Variants in YWHAQ observed in about 807,000 individuals in gnomAD.
YWHAQ encodes 14-3-3 protein theta.
A neutral mutation model predicts 28.3 loss-of-function variants in YWHAQ; 6 were observed. That is an observed-to-expected ratio of 0.21 (90% CI 0.12 to 0.42). YWHAQ has a LOEUF of 0.42. Ranked by LOEUF, YWHAQ falls within the 10% of genes least tolerant of loss-of-function variation. The probability of loss-of-function intolerance (pLI) is 1.00; values close to 1 mark genes in which losing one functional copy is unlikely to be tolerated. For missense variants in YWHAQ, 201 were observed against 305.6 expected (o/e 0.66, Z 2.55); for synonymous variants, 143 against 119.1 (o/e 1.20, Z -1.31).
At chr2:9,607,529 A>G (rs1236316699) in intron 2 of YWHAQ, among the ~76,000 whole-genome samples, 1 of 151,990 alleles carries the variant, frequency 6.6e-6, no homozygotes, top group Non-Finnish European at 1.5e-5. Context: ...ATTAAATCAG[A>G]TAAAACAGTA....
At chr2:9,587,391 A>G (rs1339407261) in intron 5 of YWHAQ, 23 bp downstream of exon 5, 2 of 1,579,026 alleles carry the variant, frequency 1.3e-6, no homozygotes, top group Non-Finnish European at 1.7e-6. Flanking sequence ...AAGAAAATAA[A>G]ATTAAAAGAG....
chr2:9,627,548 A>C (rs1667271410), intron 2 of YWHAQ, among the ~76,000 whole-genome samples: 1 of 152,184 alleles, frequency 6.6e-6, no homozygotes, highest in Admixed American at 6.5e-5. Flanking sequence ...AGATGCTGCT[A>C]CATGTACAGT....
chr2:9,607,604 T>TA (rs1180470993), intron 2 of YWHAQ, among the ~76,000 whole-genome samples: 2 of 152,038 alleles, frequency 1.3e-5, no homozygotes, highest in Admixed American at 1.3e-4. Context: ...ACAAATAAAA[T>TA]AGACAAAGAG....
chr2:9,609,237 T>A (rs1666896666), intron 2 of YWHAQ, among the ~76,000 whole-genome samples: 1 of 151,954 alleles, frequency 6.6e-6, no homozygotes, highest in Admixed American at 6.6e-5. Flanking sequence ...ATGAACCATA[T>A]ATACAGTGAA....
intron 2 of YWHAQ, among the ~76,000 whole-genome samples, chr2:9,616,745 ACT>A (rs1160599338): frequency 6.6e-6 from 1 of 152,160 alleles, no homozygotes; most frequent in Non-Finnish European, 1.5e-5. Context: ...AGAAACTGGA[ACT>A]CTCTTACACT....
intron 2 of YWHAQ, among the ~76,000 whole-genome samples, chr2:9,621,688 A>G (rs1197756055): frequency 6.6e-6 from 1 of 152,168 alleles, no homozygotes; most frequent in Non-Finnish European, 1.5e-5. Flanking sequence ...CCAAACCCAT[A>G]TCAACTAAAG....
Position 9,591,488 on chromosome 2 carries a change from T to C in YWHAQ, c.322A>G (p.Asn108Asp), listed in dbSNP as rs1304828875. The C allele has an allele frequency of 1.2e-6, 2 of 1,611,314 alleles. No individual in the cohort carries two copies. The highest frequency in any genetic ancestry group is 1.7e-6 in the Non-Finnish European group (2 of 1,177,942). Residue 108 changes from asparagine to aspartate, a missense_variant, in exon 3 of 6, where the codon AAT (asparagine) becomes GAT (aspartate). By Grantham distance (23) the Asn-to-Asp change is conservative. Transcript: ENST00000238081. ...LELLDKYLIANATNPESKVFY... is the reference protein window; with the variant it reads ...LELLDKYLIADATNPESKVFY... ...ACCTTACTCTCTGGATTAGTTGCAT[T>C]GGCTATTAAATATTTATCCAACAAT...
At chr2:9,594,042 C>G (rs1355722467) in intron 2 of YWHAQ, among the ~76,000 whole-genome samples, 1 of 151,474 alleles carries the variant, frequency 6.6e-6, no homozygotes, top group East Asian at 1.9e-4. Flanking sequence ...ATCGAAGTCT[C>G]AGAAGTTTAT....
chr2:9,622,190 A>G (rs1208330535), intron 2 of YWHAQ, among the ~76,000 whole-genome samples: 4 of 152,070 alleles, frequency 2.6e-5, no homozygotes, highest in African/African-American at 9.7e-5. Context: ...ATTAAAAAAA[A>G]AAAAAAATAC....
rs1295382309 is a variant in YWHAQ, at chr2:9,607,195, A to AC, written c.295-15681dup. ...ACGCCTGGCCTAATATTTTTCTATT[A>AC]CTTTTTTTTTTCTTTTTTTTTTTGA... is the stretch of plus-strand genomic sequence containing the variant. On this transcript the variant is annotated intron_variant, in intron 2 of 5. Coordinates refer to ENST00000238081, the MANE Select transcript of YWHAQ (RefSeq NM_006826.4). 4.7e-5 allele frequency among the ~76,000 whole-genome samples: 6 copies of AC among 128,750 alleles called. No individual in the cohort carries two copies. In the East Asian group the frequency reaches 1.3e-3, roughly 28 times the overall value. 84.5% of individuals were successfully genotyped at this position (128,750 alleles called of 152,430 possible).
intron 2 of YWHAQ, among the ~76,000 whole-genome samples, chr2:9,602,842 AAAAAAAAAAAAAAAAAAAAAATATATAT>A (rs1340120950): frequency 2.9e-3 from 77 of 26,538 alleles, no homozygotes; most frequent in South Asian, 4.1e-3. Context: ...AAAAAAAAAA[AAAAAAAAAAAAAAAAAAAAAATATATAT>A]ATATATATAT....
intron 2 of YWHAQ, among the ~76,000 whole-genome samples, chr2:9,619,653 T>C (rs1382383892): frequency 6.6e-6 from 1 of 152,226 alleles, no homozygotes; most frequent in African/African-American, 2.4e-5. Context: ...AGCATAGCTA[T>C]ATTTAATGGG....
Position 9,605,349 on chromosome 2 carries a change from G to GGTAAAATGA in YWHAQ, c.295-13835_295-13834insTCATTTTAC, listed in dbSNP as rs1666801899. Reference sequence around the variant, plus strand: ...AGATGGGGTTTTGCCATTTTACCCAGGCTGGTAACTACTGAGCTCAAGTGA... The same window carrying GGTAAAATGA: ...AGATGGGGTTTTGCCATTTTACCCAGGTAAAATGAGCTGGTAACTACTGAGCTCAAGTGA... On this transcript the variant is annotated intron_variant, in intron 2 of 5. Transcript: ENST00000238081. Among the ~76,000 whole-genome samples, 3 of 151,896 alleles carry GGTAAAATGA rather than the reference G, an allele frequency of 2.0e-5. No homozygotes were observed. The South Asian group carries it at 6.2e-4, about 32-fold the overall frequency.
At chr2:9,602,399 A>G (rs1037012975) in intron 2 of YWHAQ, among the ~76,000 whole-genome samples, 1 of 152,178 alleles carries the variant, frequency 6.6e-6, no homozygotes, top group African/African-American at 2.4e-5. Context: ...TGGGTGACAG[A>G]GCAAGACCCT....
chr2:9,593,259 AGACAAAG>A (rs1265877557), intron 2 of YWHAQ, among the ~76,000 whole-genome samples: 3 of 67,060 alleles, frequency 4.5e-5, no homozygotes, highest in African/African-American at 2.9e-4. Context: ...TTTTTTTTTG[AGACAAAG>A]TCTCACTCTG....
chr2:9,594,008 C>T (rs1448133875), intron 2 of YWHAQ, among the ~76,000 whole-genome samples: 2 of 149,678 alleles, frequency 1.3e-5, no homozygotes, highest in Non-Finnish European at 3.0e-5. Context: ...CACGCACGCA[C>T]AAAAAATTAG....
At chr2:9,619,065 C>T (rs964606934) in intron 2 of YWHAQ, among the ~76,000 whole-genome samples, 1 of 152,136 alleles carries the variant, frequency 6.6e-6, no homozygotes, top group Non-Finnish European at 1.5e-5. Context: ...CCTTTAAAGA[C>T]TCAACAGACG....
chr2:9,592,193 G>A (rs760518986), intron 2 of YWHAQ, among the ~76,000 whole-genome samples: 1 of 152,174 alleles, frequency 6.6e-6, no homozygotes, highest in African/African-American at 2.4e-5. Context: ...TACAGGAATC[G>A]AGAGTAAGAG....
intron 2 of YWHAQ, among the ~76,000 whole-genome samples, chr2:9,593,861 T>C (rs1228109950): frequency 7.0e-6 from 1 of 143,150 alleles, no homozygotes; most frequent in African/African-American, 2.6e-5. Context: ...AGAAAAACAT[T>C]AAAAATCCTT....
Sources: gnomAD v4.1 joint callset for allele counts (sites outside exome capture counted in the v4.1 genomes callset) on GRCh38, gnomAD v4.1.1 for gene constraint, MANE v1.5 for transcripts, NCBI Gene and HGNC (gene_info 2026-07-23, HGNC 2026-07-21) for gene names.